IGF1R: variants seen among roughly 807,000 people sequenced by gnomAD.
IGF1R encodes insulin-like growth factor 1 receptor.
Under a neutral mutation model 144.6 loss-of-function variants are expected in IGF1R, and 44 were observed. That is an observed-to-expected ratio of 0.30 (90% CI 0.24 to 0.39). The LOEUF is 0.39. Among genes scored for constraint, IGF1R ranks in the 10% least tolerant of loss-of-function variants. The probability of loss-of-function intolerance (pLI) is 1.00; values close to 1 mark genes in which losing one functional copy is unlikely to be tolerated. For missense variants in IGF1R, 1,355 were observed against 1,833.7 expected (o/e 0.74, Z 4.77); for synonymous variants, 795 against 722.8 (o/e 1.10, Z -1.60).
chr15:98,653,818 A>C (rs979321283), intron 1 of IGF1R, among the ~76,000 whole-genome samples: 1 of 152,246 alleles, frequency 6.6e-6, no homozygotes, highest in Non-Finnish European at 1.5e-5. Flanking sequence ...ATGAAAATCA[A>C]CTGTATCATT....
At chr15:98,951,023 T>TG (rs2016753547) in intron 20 of IGF1R, among the ~76,000 whole-genome samples, 1 of 152,212 alleles carries the variant, frequency 6.6e-6, no homozygotes, top group African/African-American at 2.4e-5. Flanking sequence ...GGGAGTACGT[T>TG]GGCTGGGCGG....
intron 2 of IGF1R, among the ~76,000 whole-genome samples, chr15:98,780,635 A>C (rs532414402): frequency 1.5e-3 from 231 of 151,082 alleles, no homozygotes; most frequent in Non-Finnish European, 2.6e-3. Flanking sequence ...GGAATTTTTT[A>C]AACTACCTTG....
Position 98,932,283 on chromosome 15 carries a change from T to C in IGF1R, c.2956+1978T>C, listed in dbSNP as rs534989500. Among the ~76,000 whole-genome samples, 8 of 152,340 alleles carry C rather than the reference T, an allele frequency of 5.3e-5. No individual in the cohort carries two copies. The South Asian group carries it at 6.2e-4, about 12-fold the overall frequency. ...TTATTCGGCCTTTGAGAAGCACTTATAGCCAGTTTCCTCGAGGGGCAACAA... is the reference window on the plus strand; with the variant it reads ...TTATTCGGCCTTTGAGAAGCACTTACAGCCAGTTTCCTCGAGGGGCAACAA... On this transcript the variant is annotated intron_variant, in intron 15 of 20. Coordinates refer to ENST00000650285, the MANE Select transcript of IGF1R (RefSeq NM_000875.5).
At chr15:98,719,012 C>T (rs967259890) in intron 2 of IGF1R, among the ~76,000 whole-genome samples, 1 of 152,198 alleles carries the variant, frequency 6.6e-6, no homozygotes, top group Non-Finnish European at 1.5e-5. Context: ...TTCTGCTTTG[C>T]TAAGTAGATG....
Position 98,884,201 on chromosome 15 carries a change from C to G in IGF1R, c.641-7124C>G, listed in dbSNP as rs115553134. Among the ~76,000 whole-genome samples, 409 of 152,236 alleles carry G rather than the reference C, an allele frequency of 2.7e-3. 2 individuals carry two copies. The highest frequency in any genetic ancestry group is 9.4e-3 in the African/African-American group (391 of 41,526). The stretch of plus-strand genomic sequence containing the variant: ...GTGCTGTGATCTCTCCTGGGTCCCC[C>G]GGGCATCCTCAGACCTCCCCCACAC... On this transcript the variant is annotated intron_variant, in intron 2 of 20. Transcript: ENST00000650285.
intron 2 of IGF1R, among the ~76,000 whole-genome samples, chr15:98,788,612 C>T (rs762532082): frequency 2.0e-5 from 3 of 152,186 alleles, no homozygotes; most frequent in South Asian, 2.1e-4. Context: ...TCACAGTTTG[C>T]GCAAGTTTGC....
Position 98,880,297 on chromosome 15 carries a change from T to C in IGF1R, c.641-11028T>C, listed in dbSNP as rs1195315446. ...TCTCTCTTTACCCTTACTAATTAGCTCTCAAAACCTCTATTTAATAATGAT... is the reference window on the plus strand; with the variant it reads ...TCTCTCTTTACCCTTACTAATTAGCCCTCAAAACCTCTATTTAATAATGAT... On this transcript the variant is annotated intron_variant, in intron 2 of 20. Transcript: ENST00000650285. Among the ~76,000 whole-genome samples the C allele has an allele frequency of 5.3e-5, 8 of 152,322 alleles. No individual in the cohort carries two copies. In the South Asian group the frequency reaches 1.2e-3, roughly 24 times the overall value.
At chr15:98,798,186 A>C (rs981105397) in intron 2 of IGF1R, among the ~76,000 whole-genome samples, 1 of 152,178 alleles carries the variant, frequency 6.6e-6, no homozygotes, top group Non-Finnish European at 1.5e-5. Flanking sequence ...GGGCTGGGTC[A>C]CATGTTAGGT....
At position 98,934,115 on chromosome 15, in the gene IGF1R, CTTTT is replaced by C. The variant is rs5814913; in HGVS notation, c.2957-696_2957-693del. ...GTATTAAAGTTACCTAAATATTTCA[CTTTT>C]TTTTTTTTTTTTGTCTAATCTTTGA... is the stretch of plus-strand genomic sequence containing the variant. On this transcript the variant is annotated intron_variant, in intron 15 of 20. Transcript: ENST00000650285. Among the ~76,000 whole-genome samples the C allele has an allele frequency of 3.6e-5, 5 of 137,542 alleles. No homozygotes were observed. In the Admixed American group the frequency reaches 3.7e-4, roughly 10 times the overall value. The allele number at this position is 137,542 out of a possible 152,430, so 90.2% of individuals were successfully genotyped here. A position where few individuals can be genotyped will look rare whatever the true frequency, so the allele number is the denominator to read the frequency against.
intron 2 of IGF1R, among the ~76,000 whole-genome samples, chr15:98,812,560 A>G (rs2056614370): frequency 1.3e-5 from 2 of 151,646 alleles, no homozygotes; most frequent in African/African-American, 4.8e-5. Flanking sequence ...GTTTTGCCAT[A>G]TTGGCCAGGC....
In IGF1R at chr15:98,936,583, A is replaced by G. The variant is rs950377733; in HGVS notation, c.3297+1157A>G. On this transcript the variant is annotated intron_variant, in intron 17 of 20. Coordinates refer to ENST00000650285, the MANE Select transcript of IGF1R (RefSeq NM_000875.5). ...GACTTCCCCTTCTCGGCCCCTTTGG[A>G]AATTCTTTTGCTGTTCTTCATTTGG... Among the ~76,000 whole-genome samples, 36 of 150,558 alleles carry G rather than the reference A, an allele frequency of 2.4e-4. 2 individuals carry two copies.
intron 2 of IGF1R, among the ~76,000 whole-genome samples, chr15:98,804,585 A>T (rs543067044): frequency 1.3e-5 from 2 of 152,312 alleles, no homozygotes; most frequent in South Asian, 4.1e-4. Flanking sequence ...CAGCGCACAC[A>T]CAGCACCTGC....
chr15:98,814,548 G>A (rs867823289), intron 2 of IGF1R, among the ~76,000 whole-genome samples: 1 of 152,172 alleles, frequency 6.6e-6, no homozygotes, highest in African/African-American at 2.4e-5. Context: ...GGGTCTCACC[G>A]TGTTGCCGGG....
chr15:98,895,646 G>A (rs59388243), intron 3 of IGF1R, among the ~76,000 whole-genome samples: 6,913 of 152,196 alleles, frequency 0.045, 262 homozygotes, highest in East Asian at 0.14. Context: ...TACCAGAGAA[G>A]TTTTGTTTAC....
At chr15:98,816,896 C>T (rs74865241) in intron 2 of IGF1R, among the ~76,000 whole-genome samples, 6 of 152,220 alleles carry the variant, frequency 3.9e-5, no homozygotes, top group African/African-American at 9.6e-5. Flanking sequence ...TATAAATGCC[C>T]GGTTGTATGG....
chr15:98,911,420 T>C lies in IGF1R; in HGVS notation c.1568T>C (p.Phe523Ser). 6.2e-7 allele frequency: 1 copy of C among 1,614,188 alleles called. No homozygotes were observed. The highest frequency in any genetic ancestry group is 1.3e-5 in the African/African-American group (1 of 75,046). ...RPPDYRDLIS[F>S]TVYYKEAPFK... is the part of the protein sequence containing the mutation. ...CCTGACTACAGGGATCTCATCAGCTTCACCGTTTACTACAAGGAAGCGTGA... is the reference window on the plus strand; with the variant it reads ...CCTGACTACAGGGATCTCATCAGCTCCACCGTTTACTACAAGGAAGCGTGA... Residue 523 changes from phenylalanine (F) to serine (S), a missense_variant, in exon 7 of 21, where the codon TTC becomes TCC. By Grantham distance (155) the Phe-to-Ser change is radical. Transcript: ENST00000650285.
chr15:98,820,399 A>G (rs1398185715), intron 2 of IGF1R, among the ~76,000 whole-genome samples: 1 of 152,228 alleles, frequency 6.6e-6, no homozygotes, highest in African/African-American at 2.4e-5. Context: ...TTTCTAAAGG[A>G]CGTTTTACAT....
intron 1 of IGF1R, among the ~76,000 whole-genome samples, chr15:98,650,119 C>T (rs762506280): frequency 9.5e-4 from 145 of 152,172 alleles, no homozygotes; most frequent in Non-Finnish European, 1.7e-3. Flanking sequence ...GGCCGCACCG[C>T]GTCTCCGCTG....
intron 20 of IGF1R, among the ~76,000 whole-genome samples, chr15:98,949,056 T>C (rs1263714499): frequency 6.6e-6 from 1 of 152,184 alleles, no homozygotes; most frequent in East Asian, 1.9e-4. Flanking sequence ...TAAAGAAGGC[T>C]ACAACACAAC....
Sources: gnomAD v4.1 joint callset for allele counts (sites outside exome capture counted in the v4.1 genomes callset) on GRCh38, gnomAD v4.1.1 for gene constraint, MANE v1.5 for transcripts, NCBI Gene and HGNC (gene_info 2026-07-23, HGNC 2026-07-21) for gene names.